The following USP1 variants were observed in gnomAD, a reference collection of about 807,000 sequenced individuals.
USP1 encodes the protein ubiquitin specific peptidase 1.
A neutral mutation model predicts 72.2 loss-of-function variants in USP1; 18 were observed. The observed-to-expected ratio is 0.25, with a 90% CI of 0.17 to 0.37. The LOEUF (loss-of-function observed/expected upper bound fraction) is 0.37, where lower values mean the gene tolerates loss of function less well. Among genes scored for constraint, USP1 ranks in the 10% least tolerant of loss-of-function variants. USP1 has a pLI of 1.00. For missense variants in USP1, 759 were observed against 884.9 expected (o/e 0.86, Z 1.81); for synonymous variants, 354 against 303.7 (o/e 1.17, Z -1.72).
Position 62,444,722 on chromosome 1 carries a change from A to G in USP1, c.558-16A>G. ...TTCAAAACTAGAATAGATGAAATGG[A>G]AATTTTTATTTATAGGGAACTCAAC... On this transcript the variant is annotated splice_polypyrimidine_tract_variant and intron_variant, in intron 5 of 8. Transcript: ENST00000339950. 1 of 1,508,726 alleles carries G rather than the reference A, an allele frequency of 6.6e-7. No individual in the cohort carries two copies. Among genetic ancestry groups the G allele is most frequent in the Non-Finnish European group, 8.8e-7 (1 of 1,136,014 alleles). 93.5% of individuals were successfully genotyped at this position (1,508,726 alleles called of 1,614,324 possible).
chr1:62,448,326 C>G, intron 7 of USP1, 139 bp from the exon 8 acceptor site: 1 of 818,158 alleles, frequency 1.2e-6, no homozygotes, highest in South Asian at 1.9e-5. Context: ...AAAGTAGTTT[C>G]TGAAAGTAAA....
At chr1:62,449,299 G>A (rs1645197312) in intron 8 of USP1, among the ~76,000 whole-genome samples, 1 of 152,070 alleles carries the variant, frequency 6.6e-6, no homozygotes, top group African/African-American at 2.4e-5. Flanking sequence ...TTTTGAAGGG[G>A]CGGGAAAGGC....
upstream of USP1, chr1:62,436,471 T>G (rs1390869407): frequency 1.3e-5 from 2 of 152,266 alleles, no homozygotes; most frequent in African/African-American, 4.8e-5. Context: ...ACACTCCGTA[T>G]GTCGAACAAT....
chr1:62,439,810 G>A lies in USP1; in HGVS notation c.-58G>A. ...TCTGTGATTAACAGATATAATTGGT[G>A]ATTACAACTTTCCTCTATAAATTAA... On this transcript the variant is annotated 5_prime_UTR_variant, in exon 2 of 9. An upstream open reading frame in the 5' UTR loses its in-frame stop. Coordinates refer to ENST00000339950, the MANE Select transcript of USP1 (RefSeq NM_003368.5). The A allele has an allele frequency of 7.7e-7, 1 of 1,300,208 alleles. No individual in the cohort carries two copies. Among genetic ancestry groups the A allele is most frequent in the Non-Finnish European group, 9.9e-7 (1 of 1,005,128 alleles). The allele number at this position is 1,300,208 out of a possible 1,614,324, so 80.5% of individuals were successfully genotyped here.
chr1:62,450,789 A>G lies in USP1; in HGVS notation c.2166A>G (p.Thr722=). ...GAAACAAGGAATCCAGTGACCAAAC[A>G]GGCATTAATATTAGTGGATTTGAGA... is the stretch of plus-strand genomic sequence containing the variant. ...SDRNKESSDQ[T]GINISGFENK... Residue 722 remains threonine (T), a synonymous_variant, in exon 9 of 9, where the codon ACA becomes ACG. Coordinates refer to ENST00000339950, the MANE Select transcript of USP1 (RefSeq NM_003368.5). The G allele has an allele frequency of 1.2e-6, 2 of 1,613,966 alleles. No individual in the cohort carries two copies. Among genetic ancestry groups the G allele is most frequent in the Non-Finnish European group, 1.7e-6 (2 of 1,179,958 alleles).
rs1645158611 is a variant in USP1, at chr1:62,444,828, A to C, written c.648A>C (p.Gln216His). 3 of 1,613,530 alleles carry C rather than the reference A, an allele frequency of 1.9e-6. No individual in the cohort carries two copies. The highest frequency in any genetic ancestry group is 3.3e-5 in the Admixed American group (2 of 59,960). The change falls in exon 6 of 9, where the codon CAA (glutamine) becomes CAC (histidine). Residue 216 changes from glutamine to histidine, a missense_variant. Gln to His is a conservative substitution (Grantham distance 24). Coordinates refer to ENST00000339950, the MANE Select transcript of USP1 (RefSeq NM_003368.5). ...CILGNIQETCQLLKKEEVKNV... is the reference protein window; with the variant it reads ...CILGNIQETCHLLKKEEVKNV... ...TGGGAAACATTCAAGAAACATGCCA[A>C]CTCCTAAAAAAAGAAGAAGTAAAAA...
intron 1 of USP1, among the ~76,000 whole-genome samples, chr1:62,437,641 G>A (rs766787754): frequency 6.6e-6 from 1 of 152,218 alleles, no homozygotes; most frequent in Non-Finnish European, 1.5e-5. Context: ...CCGGCGCGGG[G>A]GTGTGGGCCG....
At chr1:62,440,347 G>GT (rs1167703846) in intron 2 of USP1, among the ~76,000 whole-genome samples, 1 of 150,402 alleles carries the variant, frequency 6.6e-6, no homozygotes, top group African/African-American at 2.5e-5. Flanking sequence ...AAACATCTGT[G>GT]TAGGGGTAAA....
rs1472694319 is a variant in USP1 at position 62,451,169 on chromosome 1, C to G, written c.*188C>G. On this transcript the variant is annotated 3_prime_UTR_variant, in exon 9 of 9. Coordinates refer to ENST00000339950, the MANE Select transcript of USP1 (RefSeq NM_003368.5). ...GTTAATTTTTAGAACTCATTTTCCT[C>G]AGTAGAGACTAGTGATGCATTAGCT... is the stretch of plus-strand genomic sequence containing the variant. 1.7e-5 allele frequency: 10 copies of G among 584,584 alleles called. No homozygotes were observed. The highest frequency in any genetic ancestry group is 2.4e-5 in the Non-Finnish European group (9 of 371,232). The allele number at this position is 584,584 out of a possible 1,614,324, so 36.2% of individuals were successfully genotyped here. A position where few individuals can be genotyped will look rare whatever the true frequency, so the allele number is the denominator to read the frequency against.
At chr1:62,439,501 T>C (rs995406534) in intron 1 of USP1, among the ~76,000 whole-genome samples, 1 of 152,236 alleles carries the variant, frequency 6.6e-6, no homozygotes, top group Non-Finnish European at 1.5e-5. Context: ...AATAAGTTTT[T>C]ACTACTTATA....
intron 5 of USP1, among the ~76,000 whole-genome samples, chr1:62,444,230 G>C (rs1645153518): frequency 7.2e-6 from 1 of 139,240 alleles, no homozygotes; most frequent in East Asian, 2.1e-4. Context: ...TTGCAGTCCA[G>C]TCTGGGCAAC....
Position 62,450,934 on chromosome 1 carries a change from A to C in USP1, c.2311A>C (p.Thr771Pro), listed in dbSNP as rs1292561673. The C allele has an allele frequency of 1.2e-6, 2 of 1,611,070 alleles. No homozygotes were observed. The highest frequency in any genetic ancestry group is 1.7e-5 in the Admixed American group (1 of 59,404). The change falls in exon 9 of 9, where the codon ACA becomes CCA. Residue 771 changes from threonine (T) to proline (P), a missense_variant. By Grantham distance (38) the Thr-to-Pro change is conservative. Transcript: ENST00000339950. ...KDFLNSLSPS[T>P]SPTSTPYLLF... is the part of the protein sequence containing the mutation. ...CTTTCTGAATTCTCTTTCCCCTTCT[A>C]CATCTCCTACTTCTACTCCTTACTT... is the stretch of plus-strand genomic sequence containing the variant.
chr1:62,448,669 A>G lies in USP1; in HGVS notation c.1622+3A>G, dbSNP rs1183843129. The G allele has an allele frequency of 1.2e-6, 2 of 1,611,382 alleles. No homozygotes were observed. On this transcript the variant is annotated splice_donor_region_variant and intron_variant, in intron 8 of 8. Transcript: ENST00000339950. ...TGCTTTGCTGCTAGTGGTTTGGAGT[A>G]AGTATTGTAAATAAGAACTATATGA...
At chr1:62,446,855 C>G (rs753180019) in intron 6 of USP1, among the ~76,000 whole-genome samples, 1 of 151,714 alleles carries the variant, frequency 6.6e-6, no homozygotes. Context: ...GCTCTTGTTG[C>G]CCAGGCTAGA....
At chr1:62,438,529 TTGAG>T (rs1645108589) in intron 1 of USP1, among the ~76,000 whole-genome samples, 1 of 152,330 alleles carries the variant, frequency 6.6e-6, no homozygotes, top group Middle Eastern at 3.4e-3. Context: ...AGGATGAAAT[TTGAG>T]TGAGTCTTGT....
intron 1 of USP1, among the ~76,000 whole-genome samples, chr1:62,438,418 A>G (rs1448373634): frequency 6.6e-6 from 1 of 152,206 alleles, no homozygotes; most frequent in Admixed American, 6.5e-5. Flanking sequence ...GAGATGGATC[A>G]GCTTTCCAGT....
chr1:62,439,887 G>C lies in USP1; in HGVS notation c.20G>C (p.Ser7Thr). 1 of 1,496,118 alleles carries C rather than the reference G, an allele frequency of 6.7e-7. No homozygotes were observed. The highest frequency in any genetic ancestry group is 8.9e-7 in the Non-Finnish European group (1 of 1,126,330). 92.7% of individuals were successfully genotyped at this position (1,496,118 alleles called of 1,614,324 possible). A position where few individuals can be genotyped will look rare whatever the true frequency, so the allele number is the denominator to read the frequency against. ...AAAAAAATGCCTGGTGTCATACCTA[G>C]TGAAAGTAATGGACTTTCAAGAGGT... MPGVIP[S>T]ESNGLSRGSP... Residue 7 changes from serine to threonine, a missense_variant, in exon 2 of 9, where the codon AGT (serine) becomes ACT (threonine). Ser to Thr is a moderately conservative substitution (Grantham distance 58). Around this residue, in one of 9 missense-constraint regions of USP1, gnomAD observed 86 missense variants for 82.0 expected, o/e 1.05. Coordinates refer to ENST00000339950, the MANE Select transcript of USP1 (RefSeq NM_003368.5).
intron 3 of USP1, 151 bp downstream of exon 3, chr1:62,441,759 C>G (rs1450591532): frequency 9.9e-7 from 1 of 1,009,506 alleles, no homozygotes; most frequent in Non-Finnish European, 1.4e-6. Flanking sequence ...TAATAAGTTA[C>G]ATGTTATTAA....
chr1:62,438,565 C>T (rs1436133947), intron 1 of USP1, among the ~76,000 whole-genome samples: 2 of 152,154 alleles, frequency 1.3e-5, no homozygotes, highest in Non-Finnish European at 2.9e-5. Flanking sequence ...TATTACTCTG[C>T]ATTTTAAATT....
Sources: allele counts gnomAD v4.1 joint callset (sites outside exome capture counted in the v4.1 genomes callset), GRCh38; gene constraint gnomAD v4.1.1; regional missense constraint gnomAD v4.1.1; transcripts MANE v1.5; gene names NCBI Gene and HGNC (gene_info 2026-07-23, HGNC 2026-07-21).